The following PRKG1 variants were observed in gnomAD, a reference collection of about 807,000 sequenced individuals.
PRKG1 encodes protein kinase cGMP-dependent 1.
PRKG1 carries 35 observed loss-of-function variants against 88.1 expected under a neutral mutation model. The ratio of observed to expected loss-of-function variants is 0.40; its 90% CI spans 0.30 to 0.53. The LOEUF is 0.53. PRKG1 is among the 20% of genes least tolerant of loss of function. The pLI, the probability that PRKG1 is intolerant of heterozygous loss-of-function variation, is 0.59. For missense variants in PRKG1, 540 were observed against 839.8 expected (o/e 0.64, Z 4.41); for synonymous variants, 303 against 292.5 (o/e 1.04, Z -0.37).
chr10:51,671,873 G>A (rs1840589844), intron 3 of PRKG1, among the ~76,000 whole-genome samples: 2 of 151,954 alleles, frequency 1.3e-5, no homozygotes, highest in Admixed American at 1.3e-4. Context: ...AAGAATACTG[G>A]TGATAGTGAA....
At chr10:51,034,607 A>G (rs1003627145) in intron 1 of PRKG1, among the ~76,000 whole-genome samples, 3 of 147,020 alleles carry the variant, frequency 2.0e-5, no homozygotes, top group African/African-American at 7.5e-5. Flanking sequence ...ATTTATACTT[A>G]GAATTCACAA....
intron 7 of PRKG1, among the ~76,000 whole-genome samples, chr10:52,081,365 G>A (rs1011523323): frequency 6.6e-6 from 1 of 152,080 alleles, no homozygotes; most frequent in African/African-American, 2.4e-5. Flanking sequence ...TTACCATGCA[G>A]GGTTCATATA....
chr10:51,277,414 C>T (rs1052407590), intron 2 of PRKG1, among the ~76,000 whole-genome samples: 11 of 152,238 alleles, frequency 7.2e-5, no homozygotes, highest in African/African-American at 2.6e-4. Flanking sequence ...CGGCTTTGTT[C>T]TTTTGGCTTA....
chr10:51,393,108 G>A (rs1159546235), intron 2 of PRKG1, among the ~76,000 whole-genome samples: 5 of 139,320 alleles, frequency 3.6e-5, no homozygotes, highest in African/African-American at 1.1e-4. Context: ...CAGACGGGGC[G>A]GTTGCCGGGC....
chr10:51,127,050 G>GCC (rs1845444822), intron 1 of PRKG1, among the ~76,000 whole-genome samples: 1 of 152,084 alleles, frequency 6.6e-6, no homozygotes, highest in Admixed American at 6.5e-5. Flanking sequence ...ATGTAGGCAT[G>GCC]GACAAAGATT....
intron 14 of PRKG1, among the ~76,000 whole-genome samples, chr10:52,287,443 C>T (rs931427900): frequency 4.6e-5 from 7 of 151,806 alleles, no homozygotes; most frequent in African/African-American, 1.7e-4. Flanking sequence ...ACTCATTAGC[C>T]TGCTTGATAA....
chr10:52,272,572 C>A lies in PRKG1; in HGVS notation c.1403+91C>A, dbSNP rs1441310592. The A allele has an allele frequency of 7.9e-6, 7 of 886,658 alleles. No homozygotes were observed. The African/African-American group carries it at 8.7e-5, about 11-fold the overall frequency. The allele number at this position is 886,658 out of a possible 1,614,324, so 54.9% of individuals were successfully genotyped here. On this transcript the variant is annotated intron_variant, in intron 12 of 17. Coordinates refer to ENST00000373980, the MANE Select transcript of PRKG1 (RefSeq NM_006258.4). ...AGTTAATATGATAAAGTATAATAATCATATTTATAATTTACACATGCTTAT... is the reference window on the plus strand; with the variant it reads ...AGTTAATATGATAAAGTATAATAATAATATTTATAATTTACACATGCTTAT...
chr10:51,253,465 C>G (rs1839477759), intron 2 of PRKG1, among the ~76,000 whole-genome samples: 1 of 151,812 alleles, frequency 6.6e-6, no homozygotes. Context: ...ATAGACATCC[C>G]CTTCTACCAC....
chr10:51,439,001 ATT>A (rs142070764), intron 2 of PRKG1, among the ~76,000 whole-genome samples: 1,299 of 127,838 alleles, frequency 0.01, 13 homozygotes, highest in Non-Finnish European at 0.013. Flanking sequence ...ACTAATTGGG[ATT>A]TTTTTTTTTA....
chr10:51,712,545 T>TC (rs1841779896), intron 3 of PRKG1, among the ~76,000 whole-genome samples: 1 of 151,942 alleles, frequency 6.6e-6, no homozygotes, highest in South Asian at 2.1e-4. Flanking sequence ...TACAACTCTG[T>TC]CTTTTTTATA....
intron 5 of PRKG1, among the ~76,000 whole-genome samples, chr10:52,004,788 G>A (rs180993923): frequency 3.9e-5 from 6 of 152,138 alleles, no homozygotes; most frequent in South Asian, 2.1e-4. Flanking sequence ...TTTTAGAGGC[G>A]CAGTGGCTCA....
chr10:51,400,505 A>G (rs543269229), intron 2 of PRKG1, among the ~76,000 whole-genome samples: 73 of 152,330 alleles, frequency 4.8e-4, no homozygotes, highest in African/African-American at 1.7e-3. Context: ...TTCAAACTCC[A>G]GGGTATTTTA....
intron 2 of PRKG1, among the ~76,000 whole-genome samples, chr10:51,393,281 C>T (rs983291559): frequency 2.0e-5 from 3 of 151,786 alleles, no homozygotes; most frequent in Non-Finnish European, 2.9e-5. Context: ...GGCAGAGACG[C>T]TCCTCACTTC....
intron 2 of PRKG1, among the ~76,000 whole-genome samples, chr10:51,299,029 C>T (rs568740859): frequency 1.1e-3 from 169 of 152,202 alleles, no homozygotes; most frequent in African/African-American, 3.9e-3. Context: ...GGAATATGAC[C>T]ATTACTCCAT....
chr10:51,732,145 C>T (rs1397313177), intron 3 of PRKG1, among the ~76,000 whole-genome samples: 3 of 151,962 alleles, frequency 2.0e-5, no homozygotes, highest in South Asian at 2.1e-4. Flanking sequence ...TTGCAACCTC[C>T]GCCTTCTGGG....
chr10:51,538,846 A>T (rs1842230311), intron 3 of PRKG1, among the ~76,000 whole-genome samples: 1 of 152,102 alleles, frequency 6.6e-6, no homozygotes, highest in South Asian at 2.1e-4. Flanking sequence ...GACTGCTGGT[A>T]TTATAGAAAT....
At chr10:51,482,678 TG>T in intron 3 of PRKG1, among the ~76,000 whole-genome samples, 1 of 152,314 alleles carries the variant, frequency 6.6e-6, no homozygotes, top group Non-Finnish European at 1.5e-5. Context: ...TTAACCCCCA[TG>T]GTTCTCCTAG....
chr10:51,811,729 C>T (rs1048747224), intron 4 of PRKG1, among the ~76,000 whole-genome samples: 2 of 152,136 alleles, frequency 1.3e-5, no homozygotes, highest in Admixed American at 1.3e-4. Flanking sequence ...AGTGTTTTTG[C>T]CTTTCCTATA....
intron 3 of PRKG1, among the ~76,000 whole-genome samples, chr10:51,796,660 C>T (rs2132594491): frequency 6.6e-6 from 1 of 152,168 alleles, no homozygotes; most frequent in African/African-American, 2.4e-5. Context: ...AAGGGATACC[C>T]AGATAGCTGA....
Sources: gnomAD v4.1 joint callset for allele counts (sites outside exome capture counted in the v4.1 genomes callset) on GRCh38, gnomAD v4.1.1 for gene constraint, MANE v1.5 for transcripts, NCBI Gene and HGNC (gene_info 2026-07-23, HGNC 2026-07-21) for gene names.